The following SULT4A1 variants were observed in gnomAD, a reference collection of about 807,000 sequenced individuals.
The protein encoded by SULT4A1 is sulfotransferase 4A1.
In SULT4A1, 11 loss-of-function variants were observed where a neutral mutation model predicts 35.2. The ratio of observed to expected loss-of-function variants is 0.31; its 90% CI spans 0.20 to 0.52. The LOEUF is 0.52. Ranked by LOEUF, SULT4A1 falls within the 20% of genes least tolerant of loss-of-function variation. The pLI is 0.97. For missense variants in SULT4A1, 271 were observed against 383.7 expected (o/e 0.71, Z 2.45); for synonymous variants, 152 against 151.8 (o/e 1.00, Z -0.01).
intron 6 of SULT4A1, 31 bp downstream of exon 6, chr22:43,829,029 G>T (rs776251832): frequency 6.7e-7 from 1 of 1,497,776 alleles, no homozygotes; most frequent in Non-Finnish European, 9.0e-7. Context: ...GGTGGGGAGT[G>T]CCTGGGCGGG....
At chr22:43,829,037 G>C in intron 6 of SULT4A1, 23 bp downstream of exon 6, 1 of 1,503,528 alleles carries the variant, frequency 6.7e-7, no homozygotes, top group South Asian at 1.3e-5. Context: ...GTGCCTGGGC[G>C]GGAGGCAGGG....
intron 6 of SULT4A1, chr22:43,826,633 A>G (rs2063288888): frequency 1.0e-6 from 1 of 985,462 alleles, no homozygotes; most frequent in African/African-American, 1.7e-5. Flanking sequence ...AAGGAAAAAA[A>G]AATCATTCAA....
intron 1 of SULT4A1, among the ~76,000 whole-genome samples, chr22:43,846,137 A>G (rs2063475278): frequency 6.6e-6 from 1 of 151,966 alleles, no homozygotes; most frequent in Non-Finnish European, 1.5e-5. Context: ...CTCTCCCCTG[A>G]GCTCCCTCCA....
chr22:43,853,627 C>G (rs929446521), intron 1 of SULT4A1, among the ~76,000 whole-genome samples: 1 of 152,260 alleles, frequency 6.6e-6, no homozygotes, highest in Admixed American at 6.5e-5. Context: ...TGATGAGACT[C>G]TGACCTGGAG....
At chr22:43,837,995 C>T (rs2063391072) in intron 4 of SULT4A1, among the ~76,000 whole-genome samples, 2 of 152,128 alleles carry the variant, frequency 1.3e-5, no homozygotes, top group Admixed American at 1.3e-4. Context: ...AATTAAAGTG[C>T]AGCTATTATG....
At position 43,824,569 on chromosome 22, in the gene SULT4A1, A is replaced by G. The variant is rs2148272557; in HGVS notation, c.*1432T>C. On this transcript the variant is annotated 3_prime_UTR_variant, in exon 7 of 7. Transcript: ENST00000330884. The stretch of plus-strand genomic sequence containing the variant: ...CACAGAAGGATCATGTGTAGTGCTC[A>G]GTAACATCCATACAGTACTAAAAAT... The G allele has an allele frequency of 6.6e-6, 1 of 152,270 alleles. No homozygotes were observed. The highest frequency in any genetic ancestry group is 1.5e-5 in the Non-Finnish European group (1 of 68,034). The allele number at this position is 152,270 out of a possible 1,614,324, so 9.4% of individuals were successfully genotyped here.
intron 6 of SULT4A1, chr22:43,826,643 A>G: frequency 1.0e-6 from 1 of 985,426 alleles, no homozygotes; most frequent in Non-Finnish European, 1.2e-6. Context: ...AAATCATTCA[A>G]AGTGCAGAAA....
chr22:43,840,096 G>A, intron 2 of SULT4A1, 71 bp from the exon 3 acceptor site: 1 of 1,035,722 alleles, frequency 9.7e-7, no homozygotes, highest in South Asian at 1.4e-5. Flanking sequence ...GGGCCAAGGG[G>A]AAGGGGGCCA....
chr22:43,837,248 G>A (rs1420967126), intron 4 of SULT4A1, among the ~76,000 whole-genome samples: 1 of 152,252 alleles, frequency 6.6e-6, no homozygotes, highest in African/African-American at 2.4e-5. Flanking sequence ...TGGGACCAAG[G>A]CACGTGTGTG....
chr22:43,833,163 C>T (rs1224474340), intron 5 of SULT4A1, among the ~76,000 whole-genome samples: 1 of 152,150 alleles, frequency 6.6e-6, no homozygotes, highest in Non-Finnish European at 1.5e-5. Context: ...AGCCCTGCCT[C>T]TGCCTGGACT....
chr22:43,861,668 GA>G (rs1329377610), intron 1 of SULT4A1, among the ~76,000 whole-genome samples: 1 of 152,256 alleles, frequency 6.6e-6, no homozygotes, highest in Non-Finnish European at 1.5e-5. Flanking sequence ...TGAAACAAGA[GA>G]ATGTACAAGC....
At chr22:43,827,743 G>A (rs535729898) in intron 6 of SULT4A1, 4 of 694,102 alleles carry the variant, frequency 5.8e-6, no homozygotes, top group South Asian at 1.5e-5. Context: ...GTATGTTCTC[G>A]ACGCTGCTTC....
intron 1 of SULT4A1, among the ~76,000 whole-genome samples, chr22:43,847,078 G>A (rs982664528): frequency 6.6e-6 from 1 of 151,862 alleles, no homozygotes. Context: ...CCCTGTCCCC[G>A]TGGCCCTTCT....
rs1002446067 is a variant in SULT4A1 at position 43,833,541 on chromosome 22, C to A, written c.603+99G>T. 8 of 950,026 alleles carry A rather than the reference C, an allele frequency of 8.4e-6. No individual in the cohort carries two copies. In the East Asian group the frequency reaches 1.9e-4, roughly 22 times the overall value. The allele number at this position is 950,026 out of a possible 1,614,324, so 58.8% of individuals were successfully genotyped here. On this transcript the variant is annotated intron_variant, in intron 5 of 6. Transcript: ENST00000330884. ...TCCTCTGTCCCTCCTCAGACCCCTC[C>A]TCCTCCTCCCACACGCCCACTGTAA...
At chr22:43,829,259 G>C in intron 5 of SULT4A1, 61 bp from the exon 6 acceptor site, 1 of 1,455,248 alleles carries the variant, frequency 6.9e-7, no homozygotes, top group Non-Finnish European at 9.1e-7. Flanking sequence ...TACTGGACAC[G>C]ACCCCAGGCT....
intron 4 of SULT4A1, among the ~76,000 whole-genome samples, chr22:43,837,172 T>A (rs1211846863): frequency 6.6e-6 from 1 of 152,180 alleles, no homozygotes; most frequent in African/African-American, 2.4e-5. Context: ...AGTATGTGCG[T>A]GCTCACTGAG....
chr22:43,840,125 G>A (rs4149443), intron 2 of SULT4A1, 100 bp from the exon 3 acceptor site: 210,759 of 770,456 alleles, frequency 0.27, 36,159 homozygotes, highest in East Asian at 0.46. Flanking sequence ...AGGAAGGGGT[G>A]GGGTTCAGGG....
In SULT4A1 at chr22:43,829,240, G is replaced by A. The variant is rs760108713; in HGVS notation, c.604-42C>T. On this transcript the variant is annotated intron_variant, in intron 5 of 6. Coordinates refer to ENST00000330884, the MANE Select transcript of SULT4A1 (RefSeq NM_014351.4). Reference sequence around the variant, plus strand: ...GAGAGCAGAGCAGCCCATCAGAGGCGGGGCCTTTTACTGGACACGACCCCA... The same window carrying A: ...GAGAGCAGAGCAGCCCATCAGAGGCAGGGCCTTTTACTGGACACGACCCCA... 4.1e-3 allele frequency: 6,051 copies of A among 1,487,530 alleles called. 20 individuals are homozygous for A. Among genetic ancestry groups the A allele is most frequent in the Non-Finnish European group, 5.0e-3 (5,573 of 1,111,514 alleles). 92.1% of individuals were successfully genotyped at this position (1,487,530 alleles called of 1,614,324 possible).
Position 43,824,885 on chromosome 22 carries a change from T to TC in SULT4A1, c.*1115dup, listed in dbSNP as rs2063276252. The TC allele has an allele frequency of 6.6e-6, 1 of 152,086 alleles. No individual in the cohort carries two copies. Among genetic ancestry groups the TC allele is most frequent in the Non-Finnish European group, 1.5e-5 (1 of 68,000 alleles). The allele number at this position is 152,086 out of a possible 1,614,324, so 9.4% of individuals were successfully genotyped here. ...TTGGCTGGCTACTGGCCCCCGACTC[T>TC]CCATCGCTTCAGCGAATGTGGGTGA... On this transcript the variant is annotated 3_prime_UTR_variant, in exon 7 of 7. Coordinates refer to ENST00000330884, the MANE Select transcript of SULT4A1 (RefSeq NM_014351.4).
Sources: gnomAD v4.1 joint callset for allele counts (sites outside exome capture counted in the v4.1 genomes callset) on GRCh38, gnomAD v4.1.1 for gene constraint, MANE v1.5 for transcripts, NCBI Gene and HGNC (gene_info 2026-07-23, HGNC 2026-07-21) for gene names.